Variants in CHD7 observed in about 807,000 individuals in gnomAD.
The protein encoded by CHD7 is ATP-dependent chromatin remodeler CHD7.
In CHD7, 24 loss-of-function variants were observed where a neutral mutation model predicts 307.3. That is an observed-to-expected ratio of 0.08 (90% CI 0.06 to 0.11). The LOEUF (loss-of-function observed/expected upper bound fraction) is 0.11. Ranked by LOEUF, CHD7 falls within the 10% of genes least tolerant of loss-of-function variation. CHD7 has a pLI of 1.00. For missense variants in CHD7, 3,106 were observed against 3,727.1 expected (o/e 0.83, Z 4.34); for synonymous variants, 1,363 against 1,349.9 (o/e 1.01, Z -0.21).
chr8:60,737,408 C>CA (rs1252932863), intron 1 of CHD7, among the ~76,000 whole-genome samples: 2 of 152,144 alleles, frequency 1.3e-5, no homozygotes, highest in Admixed American at 6.5e-5. Flanking sequence ...TCTTTGGGAA[C>CA]TGTCACTAAA....
At chr8:60,718,583 T>C (rs191310767) in intron 1 of CHD7, among the ~76,000 whole-genome samples, 107 of 152,348 alleles carry the variant, frequency 7.0e-4, no homozygotes, top group South Asian at 2.5e-3. Flanking sequence ...AAAATACTTT[T>C]GTATGGCTGT....
rs1184188163 is a variant in CHD7, at chr8:60,856,053, A to T, written c.7015A>T (p.Met2339Leu). The change falls in exon 33 of 38, where the codon ATG (methionine) becomes TTG (leucine). Residue 2339 changes from methionine to leucine, a missense_variant. Coordinates refer to ENST00000423902, the MANE Select transcript of CHD7 (RefSeq NM_017780.4). ...KGKWPVNRRQ[M>L]FDFQGLIPGY... ...CAAATGGCCAGTAAATAGGCGCCAG[A>T]TGTTTGATTTCCAAGGCCTCATCCC... The T allele has an allele frequency of 6.2e-7, 1 of 1,611,740 alleles. No homozygotes were observed. The highest frequency in any genetic ancestry group is 1.7e-5 in the Admixed American group (1 of 59,740).
chr8:60,719,946 C>G (rs954130334), intron 1 of CHD7, among the ~76,000 whole-genome samples: 1 of 151,984 alleles, frequency 6.6e-6, no homozygotes, highest in African/African-American at 2.4e-5. Flanking sequence ...CCAAAATATT[C>G]AAGCCATAAA....
At chr8:60,836,009 G>A in intron 15 of CHD7, 64 bp from the exon 16 acceptor site, 2 of 1,228,720 alleles carry the variant, frequency 1.6e-6, no homozygotes, top group South Asian at 2.6e-5. Flanking sequence ...TTGAAAGCAA[G>A]TGCATTGTTT....
chr8:60,856,941 T>A, intron 34 of CHD7, 53 bp downstream of exon 34: 2 of 1,462,436 alleles, frequency 1.4e-6, no homozygotes, highest in Non-Finnish European at 1.8e-6. Context: ...CAGCTGAGGG[T>A]CCTGTGATGC....
chr8:60,782,277 C>G (rs1811280082), intron 3 of CHD7, among the ~76,000 whole-genome samples: 1 of 152,180 alleles, frequency 6.6e-6, no homozygotes, highest in South Asian at 2.1e-4. Context: ...CACGCCCACC[C>G]CATACCCTCA....
At chr8:60,686,839 T>C (rs1169800939) in intron 1 of CHD7, among the ~76,000 whole-genome samples, 1 of 152,232 alleles carries the variant, frequency 6.6e-6, no homozygotes, top group Non-Finnish European at 1.5e-5. Context: ...TAATTTTCTT[T>C]CTAGTTCTGC....
At chr8:60,760,625 A>G (rs932095962) in intron 2 of CHD7, among the ~76,000 whole-genome samples, 5 of 150,270 alleles carry the variant, frequency 3.3e-5, no homozygotes, top group Non-Finnish European at 7.4e-5. Flanking sequence ...AGAATCTACA[A>G]TGAACTCAAA....
chr8:60,804,175 A>G (rs11988338), intron 6 of CHD7, among the ~76,000 whole-genome samples: 118,209 of 152,174 alleles, frequency 0.78, 46,152 homozygotes, highest in East Asian at 0.94. Flanking sequence ...GTTAATGTCT[A>G]TGATACCTAG....
chr8:60,741,234 TC>T (rs2150576892), intron 1 of CHD7, 24 bp from the exon 2 acceptor site: 1 of 569,238 alleles, frequency 1.8e-6, no homozygotes. Flanking sequence ...TTCCTTCTTC[TC>T]CCCCACCCCA....
At chr8:60,780,962 A>G (rs1275798030) in intron 2 of CHD7, 38 bp from the exon 3 acceptor site, 1 of 1,480,476 alleles carries the variant, frequency 6.8e-7, no homozygotes, top group Admixed American at 2.7e-5. Flanking sequence ...ACTGTGAAGA[A>G]TGATAAACTA....
At chr8:60,679,646 G>A (rs1331016554) in intron 1 of CHD7, 1 of 147,262 alleles carries the variant, frequency 6.8e-6, no homozygotes, top group Non-Finnish European at 1.5e-5. Flanking sequence ...CTCGGGGACG[G>A]CGGCGACCCC....
chr8:60,682,600 C>T (rs1805686842), intron 1 of CHD7, among the ~76,000 whole-genome samples: 1 of 152,178 alleles, frequency 6.6e-6, no homozygotes, highest in Non-Finnish European at 1.5e-5. Context: ...AACTTTGATT[C>T]AGCAAACCTT....
intron 21 of CHD7, among the ~76,000 whole-genome samples, chr8:60,843,235 C>T (rs1371600384): frequency 1.3e-5 from 2 of 152,206 alleles, no homozygotes; most frequent in Non-Finnish European, 2.9e-5. Flanking sequence ...CCATCATTAT[C>T]TGTGAAGCTG....
chr8:60,715,233 A>G (rs553182080), intron 1 of CHD7, among the ~76,000 whole-genome samples: 10 of 151,970 alleles, frequency 6.6e-5, no homozygotes, highest in African/African-American at 2.4e-4. Context: ...ATAAGGCTAG[A>G]TGAACCATCG....
At chr8:60,808,102 G>A (rs1026973319) in intron 6 of CHD7, 115 bp from the exon 7 acceptor site, 2 of 747,042 alleles carry the variant, frequency 2.7e-6, no homozygotes, top group Non-Finnish European at 4.5e-6. Context: ...TTACGTGAAG[G>A]TCCTTTGCTG....
chr8:60,841,826 T>C (rs1158708104), intron 20 of CHD7, 21 bp from the exon 21 acceptor site: 3 of 1,609,100 alleles, frequency 1.9e-6, no homozygotes, highest in Non-Finnish European at 2.5e-6. Context: ...ATGTCAAATG[T>C]ATCTCCTCTT....
intron 3 of CHD7, among the ~76,000 whole-genome samples, chr8:60,787,430 T>G (rs1811543001): frequency 6.6e-6 from 1 of 152,184 alleles, no homozygotes. Context: ...GCCCTATAGT[T>G]TGGCACTTGG....
intron 1 of CHD7, among the ~76,000 whole-genome samples, chr8:60,736,203 A>G (rs1586238257): frequency 6.6e-6 from 1 of 152,212 alleles, no homozygotes; most frequent in African/African-American, 2.4e-5. Flanking sequence ...TTCTTTATCC[A>G]GGTTCTTGTC....
Sources: allele counts gnomAD v4.1 joint callset (sites outside exome capture counted in the v4.1 genomes callset), GRCh38; gene constraint gnomAD v4.1.1; transcripts MANE v1.5; gene names NCBI Gene and HGNC (gene_info 2026-07-23, HGNC 2026-07-21).